The following DNAH11 variants were observed in gnomAD, a reference collection of about 807,000 sequenced individuals.
The protein encoded by DNAH11 is dynein axonemal heavy chain 11, also known as axonemal beta dynein heavy chain 11.
DNAH11 carries 442 observed loss-of-function variants against 526.0 expected under a neutral mutation model. The ratio of observed to expected loss-of-function variants is 0.84; its 90% CI spans 0.78 to 0.91. The LOEUF (loss-of-function observed/expected upper bound fraction) is 0.91, where lower values mean the gene tolerates loss of function less well. DNAH11 is among the 40% of genes least tolerant of loss of function. The pLI is 0.00. For missense variants in DNAH11, 6,989 were observed against 5,448.7 expected (o/e 1.28, Z -8.90); for synonymous variants, 2,461 against 1,935.9 (o/e 1.27, Z -7.12).
intron 68 of DNAH11, among the ~76,000 whole-genome samples, chr7:21,857,243 T>C (rs1430659325): frequency 6.6e-6 from 1 of 152,202 alleles, no homozygotes; most frequent in East Asian, 1.9e-4. Flanking sequence ...TGAAGCTTTT[T>C]AGGAATAATT....
chr7:21,783,523 GA>G (rs542426969), intron 57 of DNAH11, among the ~76,000 whole-genome samples: 82 of 152,220 alleles, frequency 5.4e-4, no homozygotes, highest in African/African-American at 1.9e-3. Context: ...ATGGTGGCTA[GA>G]TCCTGGTGCC....
rs1554294590 is a variant in DNAH11 at position 21,901,591 on chromosome 7, A to AAAGTACATCATAT, written c.*338_*350dup. The AAAGTACATCATAT allele has an allele frequency of 9.5e-4, 167 of 176,162 alleles. No individual in the cohort carries two copies. The highest frequency in any genetic ancestry group is 3.8e-3 in the African/African-American group (163 of 42,390). The allele number at this position is 176,162 out of a possible 1,614,324, so 10.9% of individuals were successfully genotyped here. ...CTCAAAAAAAAAAAAGTACATCATA[A>AAAGTACATCATAT]AAGTACATCATATGTGAACATGCAA... On this transcript the variant is annotated 3_prime_UTR_variant, in exon 82 of 82. Transcript: ENST00000409508.
At chr7:21,747,156 AC>A (rs1166889893) in intron 51 of DNAH11, among the ~76,000 whole-genome samples, 2 of 151,924 alleles carry the variant, frequency 1.3e-5, no homozygotes, top group Non-Finnish European at 2.9e-5. Flanking sequence ...TGAAATGAAA[AC>A]CCTGTTTTAT....
Position 21,901,203 on chromosome 7 carries a change from G to C in DNAH11, c.13500G>C (p.Glu4500Asp), listed in dbSNP as rs750047107. The C allele has an allele frequency of 9.9e-6, 16 of 1,613,710 alleles. No homozygotes were observed. In the South Asian group the frequency reaches 1.8e-4, roughly 18 times the overall value. ...YIWTFRLKSE[E>D]KTAKWVLAGV... ...GGACCTTCAGGCTGAAGAGCGAAGA[G>C]AAGACTGCAAAATGGGTTCTGGCTG... Residue 4500 changes from glutamate to aspartate, a missense_variant, in exon 82 of 82, where the codon GAG becomes GAC. By Grantham distance (45) the Glu-to-Asp change is conservative. Transcript: ENST00000409508.
At chr7:21,897,672 G>A (rs1784571018) in intron 79 of DNAH11, among the ~76,000 whole-genome samples, 1 of 152,136 alleles carries the variant, frequency 6.6e-6, no homozygotes, top group Non-Finnish European at 1.5e-5. Context: ...CTGGAGTGCA[G>A]TGACGTGATC....
intron 28 of DNAH11, among the ~76,000 whole-genome samples, chr7:21,640,395 C>G (rs890456035): frequency 6.6e-6 from 1 of 152,068 alleles, no homozygotes; most frequent in Admixed American, 6.5e-5. Flanking sequence ...TTGTATTTCA[C>G]AAAAGTACGT....
At chr7:21,741,362 C>A (rs1182449283) in intron 48 of DNAH11, among the ~76,000 whole-genome samples, 2 of 152,184 alleles carry the variant, frequency 1.3e-5, no homozygotes, top group Admixed American at 1.3e-4. Flanking sequence ...TGAAGGACAC[C>A]TTGGTTGCTT....
intron 2 of DNAH11, among the ~76,000 whole-genome samples, chr7:21,552,128 A>AC (rs374374184): frequency 6.6e-6 from 1 of 152,036 alleles, no homozygotes; most frequent in African/African-American, 2.4e-5. Flanking sequence ...TTGAATGAGC[A>AC]CCCCAAGGGC....
Position 21,606,461 on chromosome 7 carries a change from C to G in DNAH11, c.3684C>G (p.Ile1228Met), listed in dbSNP as rs570794632. The G allele has an allele frequency of 6.2e-7, 1 of 1,606,732 alleles. No homozygotes were observed. The highest frequency in any genetic ancestry group is 2.2e-5 in the East Asian group (1 of 44,846). The stretch of plus-strand genomic sequence containing the variant: ...AAAGATGGGAAACTACCAAAAAGAT[C>G]GCAGCAACTGTCAGACATGAAGTCT... ...LPERWETTKKIAATVRHEVSP... is the reference protein window; with the variant it reads ...LPERWETTKKMAATVRHEVSP... Residue 1228 changes from isoleucine (I) to methionine (M), a missense_variant, in exon 19 of 82, where the codon ATC (isoleucine) becomes ATG (methionine). Ile to Met is a conservative substitution (Grantham distance 10). Transcript: ENST00000409508.
intron 34 of DNAH11, among the ~76,000 whole-genome samples, chr7:21,687,857 C>G (rs1044508634): frequency 6.6e-5 from 10 of 152,128 alleles, no homozygotes; most frequent in Admixed American, 1.3e-4. Flanking sequence ...AAGTTCAACA[C>G]CAGACTGGGC....
At chr7:21,878,435 A>G (rs1783797368) in intron 74 of DNAH11, among the ~76,000 whole-genome samples, 2 of 152,224 alleles carry the variant, frequency 1.3e-5, no homozygotes, top group South Asian at 2.1e-4. Context: ...TGAAATTTTG[A>G]TACATATATT....
chr7:21,784,339 C>T (rs931897104), intron 57 of DNAH11, 88 bp from the exon 58 acceptor site: 1 of 932,092 alleles, frequency 1.1e-6, no homozygotes, highest in African/African-American at 1.6e-5. Context: ...AATTATTTAA[C>T]AGTGCATCTG....
intron 56 of DNAH11, among the ~76,000 whole-genome samples, chr7:21,774,309 C>T (rs921581427): frequency 6.6e-6 from 1 of 152,114 alleles, no homozygotes; most frequent in Non-Finnish European, 1.5e-5. Context: ...CGGTACTTGT[C>T]GTCAAGGTTC....
At chr7:21,826,275 C>G (rs897783227) in intron 65 of DNAH11, among the ~76,000 whole-genome samples, 1 of 151,806 alleles carries the variant, frequency 6.6e-6, no homozygotes, top group Admixed American at 6.6e-5. Context: ...TTCTTATTTC[C>G]TCATCTAACT....
chr7:21,703,134 A>G (rs548472885), intron 37 of DNAH11, among the ~76,000 whole-genome samples: 23 of 152,314 alleles, frequency 1.5e-4, no homozygotes, highest in African/African-American at 5.5e-4. Flanking sequence ...GAATTGGGAT[A>G]TTAATCCTGG....
At chr7:21,876,438 G>A (rs768169354) in intron 74 of DNAH11, among the ~76,000 whole-genome samples, 1 of 152,104 alleles carries the variant, frequency 6.6e-6, no homozygotes, top group Non-Finnish European at 1.5e-5. Context: ...ATAATTCAAG[G>A]GATTTAGCCT....
At position 21,742,014 on chromosome 7, in the gene DNAH11, C is replaced by T; in HGVS notation, c.8002C>T (p.Gln2668Ter). 1.2e-6 allele frequency: 2 copies of T among 1,613,980 alleles called. No homozygotes were observed. The highest frequency in any genetic ancestry group is 1.7e-6 in the Non-Finnish European group (2 of 1,179,870). ...YGQIFSFHFQQQAFAPSILRS... is the reference protein window; with the variant it reads ...YGQIFSFHFQ ...CCAAATCTTTAGCTTCCATTTCCAACAGCAAGCATTTGCTCCATCAATTCT... is the reference window on the plus strand; with the variant it reads ...CCAAATCTTTAGCTTCCATTTCCAATAGCAAGCATTTGCTCCATCAATTCT... The change falls in exon 49 of 82, where the codon CAG becomes TAG. Residue 2668 changes from glutamine (Q) to a stop codon, truncating the protein, a stop_gained. Coordinates refer to ENST00000409508, the MANE Select transcript of DNAH11 (RefSeq NM_001277115.2). LOFTEE classifies it high-confidence loss of function.
chr7:21,715,777 C>T (rs964616299), intron 42 of DNAH11, among the ~76,000 whole-genome samples: 15 of 151,772 alleles, frequency 9.9e-5, no homozygotes, highest in Non-Finnish European at 2.1e-4. Flanking sequence ...TTTAAACTCT[C>T]CAGCAACATA....
intron 45 of DNAH11, among the ~76,000 whole-genome samples, chr7:21,731,143 C>T (rs746035731): frequency 2.0e-5 from 3 of 147,158 alleles, no homozygotes; most frequent in Non-Finnish European, 4.5e-5. Context: ...AAACTGTCTC[C>T]GAAAAAAAAA....
Sources: allele counts gnomAD v4.1 joint callset (sites outside exome capture counted in the v4.1 genomes callset), GRCh38; gene constraint gnomAD v4.1.1; transcripts MANE v1.5; gene names NCBI Gene and HGNC (gene_info 2026-07-23, HGNC 2026-07-21).